The following RIT2 variants were observed in gnomAD, a reference collection of about 807,000 sequenced individuals.
RIT2 encodes GTP-binding protein Rit2.
RIT2 carries 24 observed loss-of-function variants against 23.7 expected under a neutral mutation model. That is an observed-to-expected ratio of 1.01 (90% CI 0.73 to 1.43). The LOEUF (loss-of-function observed/expected upper bound fraction) is 1.43. Among genes scored for constraint, RIT2 ranks in the 40% most tolerant of loss-of-function variants. The pLI, the probability that RIT2 is intolerant of heterozygous loss-of-function variation, is 0.00. For synonymous variants in RIT2, 107 were observed against 91.1 expected, an observed-to-expected ratio of 1.17 and a Z score of -0.99; for missense variants, 236 against 266.9, an observed-to-expected ratio of 0.88 and a Z score of 0.81.
chr18:42,983,408 G>GA lies in RIT2; in HGVS notation c.161-9262dup, dbSNP rs1033949116. Among the ~76,000 whole-genome samples, 971 of 146,514 alleles carry GA rather than the reference G, an allele frequency of 6.6e-3. 14 individuals carry two copies. The highest frequency in any genetic ancestry group is 0.023 in the African/African-American group (911 of 40,166). On this transcript the variant is annotated intron_variant, in intron 2 of 4. Coordinates refer to ENST00000326695, the MANE Select transcript of RIT2 (RefSeq NM_002930.4). ...ATACAATTTAAAGCTACAAGTTTTAGAAAAAAAAAATGAGAAAATCTTCAA... is the reference window on the plus strand; with the variant it reads ...ATACAATTTAAAGCTACAAGTTTTAGAAAAAAAAAAATGAGAAAATCTTCAA...
chr18:43,044,896 A>T (rs2144298868), intron 1 of RIT2, among the ~76,000 whole-genome samples: 1 of 152,314 alleles, frequency 6.6e-6, no homozygotes, highest in African/African-American at 2.4e-5. Context: ...GCTTTCCAGG[A>T]CTTTAAAAAC....
chr18:42,891,206 G>C (rs1165224817), intron 4 of RIT2, among the ~76,000 whole-genome samples: 1 of 152,066 alleles, frequency 6.6e-6, no homozygotes, highest in African/African-American at 2.4e-5. Context: ...TTCCCTAATA[G>C]TACACTCAGC....
At chr18:42,886,457 C>T (rs552495566) in intron 4 of RIT2, among the ~76,000 whole-genome samples, 1 of 152,122 alleles carries the variant, frequency 6.6e-6, no homozygotes, top group African/African-American at 2.4e-5. Flanking sequence ...AACTCAACTG[C>T]TTTGTTTCTG....
chr18:42,771,820 A>G (rs1402309642), intron 4 of RIT2, among the ~76,000 whole-genome samples: 1 of 152,184 alleles, frequency 6.6e-6, no homozygotes, highest in Non-Finnish European at 1.5e-5. Context: ...TGAGCAATAT[A>G]GTAGTTCAAA....
intron 2 of RIT2, among the ~76,000 whole-genome samples, chr18:43,024,330 G>A (rs999925508): frequency 2.6e-5 from 4 of 151,980 alleles, no homozygotes; most frequent in African/African-American, 9.7e-5. Context: ...TCAATAAATG[G>A]TGCTGAAAAA....
chr18:42,894,316 A>G (rs1012806938), intron 4 of RIT2, among the ~76,000 whole-genome samples: 2 of 152,350 alleles, frequency 1.3e-5, no homozygotes, highest in Admixed American at 6.5e-5. Context: ...AAATCAACAG[A>G]AAACTGAATC....
At chr18:42,749,998 C>T (rs1430348096) in intron 4 of RIT2, among the ~76,000 whole-genome samples, 1 of 151,602 alleles carries the variant, frequency 6.6e-6, no homozygotes, top group Non-Finnish European at 1.5e-5. Flanking sequence ...AACTAATTTG[C>T]TATATATTAA....
intron 1 of RIT2, among the ~76,000 whole-genome samples, chr18:43,069,756 A>G (rs1264460063): frequency 6.6e-6 from 1 of 152,124 alleles, no homozygotes; most frequent in Non-Finnish European, 1.5e-5. Context: ...GTGACCTTAT[A>G]ACTTATTGAT....
chr18:43,013,696 TAACTA>T (rs1459940566), intron 2 of RIT2, among the ~76,000 whole-genome samples: 1 of 151,572 alleles, frequency 6.6e-6, no homozygotes, highest in African/African-American at 2.4e-5. Context: ...ACTATCAGAG[TAACTA>T]TCTGTATGAT....
At chr18:43,004,824 C>T (rs1568053333) in intron 2 of RIT2, among the ~76,000 whole-genome samples, 2 of 151,926 alleles carry the variant, frequency 1.3e-5, no homozygotes, top group Non-Finnish European at 2.9e-5. Flanking sequence ...TTTATGTTGG[C>T]TATTATATTC....
chr18:42,952,252 A>T, intron 3 of RIT2, among the ~76,000 whole-genome samples: 1 of 152,180 alleles, frequency 6.6e-6, no homozygotes, highest in Non-Finnish European at 1.5e-5. Context: ...CATTGAGGAC[A>T]TTATAATAAG....
chr18:42,831,088 C>G (rs1033238914), intron 4 of RIT2, among the ~76,000 whole-genome samples: 2 of 152,164 alleles, frequency 1.3e-5, no homozygotes, highest in African/African-American at 4.8e-5. Flanking sequence ...TTTAAAATTA[C>G]TTTTGCCTGC....
intron 2 of RIT2, among the ~76,000 whole-genome samples, chr18:43,031,857 T>C (rs1911861412): frequency 6.6e-6 from 1 of 152,076 alleles, no homozygotes; most frequent in Non-Finnish European, 1.5e-5. Context: ...TAGGTGTTAT[T>C]CTTTTATAAT....
rs376625065 is a variant in RIT2 at position 43,019,860 on chromosome 18, A to G, written c.160+13951T>C. ...AAGTTGTAGAATATAAAATCAACAT[A>G]CAAAAATCAATAGTGTTTCTATACA... On this transcript the variant is annotated intron_variant, in intron 2 of 4. Transcript: ENST00000326695. Among the ~76,000 whole-genome samples, 33 of 152,226 alleles carry G rather than the reference A, an allele frequency of 2.2e-4. No individual in the cohort carries two copies. The East Asian group carries it at 3.5e-3, about 16-fold the overall frequency.
chr18:42,899,673 C>T (rs1196072918), intron 4 of RIT2, among the ~76,000 whole-genome samples: 1 of 152,056 alleles, frequency 6.6e-6, no homozygotes, highest in Non-Finnish European at 1.5e-5. Context: ...TCATTTCCTT[C>T]TGAAAATATG....
chr18:42,915,016 AT>A (rs768907250), intron 4 of RIT2, among the ~76,000 whole-genome samples: 1 of 146,568 alleles, frequency 6.8e-6, no homozygotes, highest in Non-Finnish European at 1.5e-5. Context: ...AAAAAAAAAA[AT>A]AATAGTACTC....
In RIT2 at chr18:42,804,356, C is replaced by A. The variant is rs564855892; in HGVS notation, c.427-60636G>T. Reference sequence around the variant, plus strand: ...ATCACTTGAGGTTAGGAGTTCAAGACCAGCCTGACCAACATGGTGAAACCC... The same window carrying A: ...ATCACTTGAGGTTAGGAGTTCAAGAACAGCCTGACCAACATGGTGAAACCC... On this transcript the variant is annotated intron_variant, in intron 4 of 4. Transcript: ENST00000326695. Among the ~76,000 whole-genome samples the A allele has an allele frequency of 1.5e-4, 23 of 151,910 alleles. No individual in the cohort carries two copies. The South Asian group carries it at 4.8e-3, about 32-fold the overall frequency.
intron 4 of RIT2, among the ~76,000 whole-genome samples, chr18:42,872,580 G>A (rs187391982): frequency 1.8e-4 from 28 of 152,248 alleles, no homozygotes; most frequent in Middle Eastern, 3.4e-3. Flanking sequence ...GATATCCTAC[G>A]TCAAAATAAA....
chr18:42,956,177 A>G (rs1568039260), intron 3 of RIT2, among the ~76,000 whole-genome samples: 2 of 152,126 alleles, frequency 1.3e-5, no homozygotes, highest in Non-Finnish European at 2.9e-5. Flanking sequence ...CTTAACATCC[A>G]AGGATAGATC....
Sources: gnomAD v4.1 joint callset for allele counts (sites outside exome capture counted in the v4.1 genomes callset) on GRCh38, gnomAD v4.1.1 for gene constraint, MANE v1.5 for transcripts, NCBI Gene and HGNC (gene_info 2026-07-23, HGNC 2026-07-21) for gene names.